The following CABIN1 variants were observed in gnomAD, a reference collection of about 807,000 sequenced individuals.
CABIN1 encodes calcineurin binding protein 1.
Under a neutral mutation model 227.7 loss-of-function variants are expected in CABIN1, and 133 were observed. That is an observed-to-expected ratio of 0.58 (90% CI 0.51 to 0.67). CABIN1 has a LOEUF of 0.67. Ranked by LOEUF, CABIN1 falls within the 30% of genes least tolerant of loss-of-function variation. The pLI, the probability that CABIN1 is intolerant of heterozygous loss-of-function variation, is 0.00. For synonymous variants in CABIN1, 1,086 were observed against 1,155.1 expected (o/e 0.94, Z 1.21); for missense variants, 2,408 against 2,852.5 (o/e 0.84, Z 3.55).
At chr22:24,113,471 G>A (rs1012090174) in intron 26 of CABIN1, 95 bp from the exon 27 acceptor site, 2 of 1,183,618 alleles carry the variant, frequency 1.7e-6, no homozygotes, top group Non-Finnish European at 2.5e-6. Flanking sequence ...GCAGTCCCCA[G>A]GCCACCGGCA....
intron 27 of CABIN1, among the ~76,000 whole-genome samples, chr22:24,118,856 A>G (rs1477719894): frequency 6.6e-6 from 1 of 152,196 alleles, no homozygotes; most frequent in Non-Finnish European, 1.5e-5. Context: ...CTCATGTCAC[A>G]TGAGGGCCCA....
At position 24,087,461 on chromosome 22, in the gene CABIN1, C is replaced by G; in HGVS notation, c.3273C>G (p.Ser1091=). The change falls in exon 23 of 37, where the codon TCC becomes TCG. Residue 1091 remains serine (S), a synonymous_variant. Transcript: ENST00000263119. ...DICICPNRFD[S]WAGMALARAS... ...TTTGTTACCACCACAGGTTTGATTCCTGGGCAGGCATGGCTCTGGCCCGGG... is the reference window on the plus strand; with the variant it reads ...TTTGTTACCACCACAGGTTTGATTCGTGGGCAGGCATGGCTCTGGCCCGGG... 1 of 1,613,978 alleles carries G rather than the reference C, an allele frequency of 6.2e-7. No homozygotes were observed. Among genetic ancestry groups the G allele is most frequent in the Non-Finnish European group, 8.5e-7 (1 of 1,180,032 alleles).
chr22:24,150,043 C>A (rs2045390954), intron 29 of CABIN1, among the ~76,000 whole-genome samples: 1 of 152,176 alleles, frequency 6.6e-6, no homozygotes, highest in Non-Finnish European at 1.5e-5. Flanking sequence ...TTGTGGAGGC[C>A]TTTGACATGG....
chr22:24,136,548 T>TA (rs1555977554), intron 29 of CABIN1, among the ~76,000 whole-genome samples: 2 of 142,470 alleles, frequency 1.4e-5, no homozygotes, highest in Non-Finnish European at 3.0e-5. Context: ...TTTTTTTTTT[T>TA]AGAGACAAGG....
At chr22:24,154,950 T>C (rs890008251) in intron 29 of CABIN1, among the ~76,000 whole-genome samples, 2 of 151,848 alleles carry the variant, frequency 1.3e-5, no homozygotes, top group Admixed American at 6.6e-5. Context: ...CCTGGGTGTC[T>C]GTGGAGGGAG....
rs2079951695 is a variant in CABIN1, at chr22:24,165,609, C to T, written c.4990C>T (p.Leu1664=). ...ILTVKVLEDT[L]SELAEGSERP... is the part of the protein sequence containing the mutation. The stretch of plus-strand genomic sequence containing the variant: ...CACTGTGAAGGTGCTCGAAGACACG[C>T]TGAGCGAGCTCGCAGAGGTATGCCA... The change falls in exon 31 of 37, where the codon CTG becomes TTG. Residue 1664 remains leucine (L), a synonymous_variant. Coordinates refer to ENST00000263119, the MANE Select transcript of CABIN1 (RefSeq NM_012295.4). 2 of 1,612,718 alleles carry T rather than the reference C, an allele frequency of 1.2e-6. No homozygotes were observed. Among genetic ancestry groups the T allele is most frequent in the African/African-American group, 2.7e-5 (2 of 74,940 alleles).
chr22:24,077,444 TAGGCTG>T (rs2040520637), intron 19 of CABIN1, among the ~76,000 whole-genome samples: 1 of 152,154 alleles, frequency 6.6e-6, no homozygotes, highest in African/African-American at 2.4e-5. Context: ...GCAAGACACT[TAGGCTG>T]AATATGTGAT....
intron 15 of CABIN1, among the ~76,000 whole-genome samples, chr22:24,065,116 C>T (rs1237229031): frequency 6.9e-6 from 1 of 145,732 alleles, no homozygotes; most frequent in Non-Finnish European, 1.5e-5. Context: ...CCCCTCACCT[C>T]CCAGACGGGG....
At chr22:24,123,154 C>G (rs945438767) in intron 28 of CABIN1, among the ~76,000 whole-genome samples, 9 of 152,184 alleles carry the variant, frequency 5.9e-5, no homozygotes, top group Non-Finnish European at 1.2e-4. Context: ...CACCCAGTAG[C>G]AGGGATGGAG....
rs1216839573 is a variant in CABIN1 at position 24,048,004 on chromosome 22, A to G, written c.527-1087A>G. ...TATCATAGTTCTGCTTTGTGAATCC[A>G]TGCCATCCCATTTTTTTCTGTGTGT... On this transcript the variant is annotated intron_variant, in intron 6 of 36. Transcript: ENST00000263119. Among the ~76,000 whole-genome samples the G allele has an allele frequency of 5.9e-5, 9 of 152,276 alleles. No homozygotes were observed. In the South Asian group the frequency reaches 1.9e-3, roughly 32 times the overall value.
At chr22:24,012,617 A>G (rs894047460) in intron 1 of CABIN1, among the ~76,000 whole-genome samples, 2 of 152,198 alleles carry the variant, frequency 1.3e-5, no homozygotes, top group East Asian at 1.9e-4. Context: ...TTCTGAGGCC[A>G]TGGAAACTAT....
intron 26 of CABIN1, 63 bp from the exon 27 acceptor site, chr22:24,113,503 C>T (rs2042916891): frequency 1.4e-6 from 2 of 1,471,832 alleles, no homozygotes; most frequent in Non-Finnish European, 1.9e-6. Context: ...CATAGGAAGG[C>T]CCCCTGTGTT....
At chr22:24,087,734 A>G in intron 23 of CABIN1, 21 bp downstream of exon 23, 1 of 1,612,834 alleles carries the variant, frequency 6.2e-7, no homozygotes, top group African/African-American at 1.3e-5. Context: ...GGTGCTGCAG[A>G]TGGGCTTGCC....
intron 28 of CABIN1, among the ~76,000 whole-genome samples, chr22:24,128,054 G>T (rs925586179): frequency 1.3e-5 from 2 of 151,976 alleles, no homozygotes; most frequent in African/African-American, 4.8e-5. Flanking sequence ...TCCAGATATT[G>T]CCAGATGCCT....
chr22:24,049,201 C>A lies in CABIN1; in HGVS notation c.637C>A (p.Leu213Ile). ...EEQPCLRKDS[L>I]RMFLKCDMSI... is the part of the protein sequence containing the mutation. ...GCAGCCTTGTCTCCGGAAGGACTCT[C>A]TCAGAATGTTCCTCAAATGGTAAGT... is the stretch of plus-strand genomic sequence containing the variant. The change falls in exon 7 of 37, where the codon CTC becomes ATC. Residue 213 changes from leucine to isoleucine, a missense_variant. Transcript: ENST00000263119. 6.2e-7 allele frequency: 1 copy of A among 1,613,982 alleles called. No individual in the cohort carries two copies. Among genetic ancestry groups the A allele is most frequent in the Non-Finnish European group, 8.5e-7 (1 of 1,179,992 alleles).
At chr22:24,018,115 A>G (rs1426006647) in intron 1 of CABIN1, among the ~76,000 whole-genome samples, 1 of 152,008 alleles carries the variant, frequency 6.6e-6, no homozygotes, top group Non-Finnish European at 1.5e-5. Flanking sequence ...TCGGCTTCCC[A>G]AAGTGCTGGG....
At chr22:24,028,339 G>T (rs1410775594) in intron 1 of CABIN1, among the ~76,000 whole-genome samples, 1 of 152,172 alleles carries the variant, frequency 6.6e-6, no homozygotes, top group Non-Finnish European at 1.5e-5. Context: ...AAAAAACGGG[G>T]ACTGTTAAAG....
In CABIN1 at chr22:24,134,318, G is replaced by T. The variant is rs776094414; in HGVS notation, c.4649G>T (p.Arg1550Leu). The change falls in exon 29 of 37, where the codon CGC becomes CTC. Residue 1550 changes from arginine to leucine, a missense_variant. Transcript: ENST00000263119. The part of the protein sequence containing the change: ...SKTHRNLQWA[R>L]DVLLGSSIPW... ...TTTCCCCAGAACCTCCAGTGGGCCCGCGACGTGTTGCTAGGCAGCAGTATC... is the reference window on the plus strand; with the variant it reads ...TTTCCCCAGAACCTCCAGTGGGCCCTCGACGTGTTGCTAGGCAGCAGTATC... 6.2e-7 allele frequency: 1 copy of T among 1,613,928 alleles called. No homozygotes were observed. Among genetic ancestry groups the T allele is most frequent in the South Asian group, 1.1e-5 (1 of 91,060 alleles).
At chr22:24,077,184 C>A (rs1007035394) in intron 19 of CABIN1, among the ~76,000 whole-genome samples, 3 of 152,172 alleles carry the variant, frequency 2.0e-5, no homozygotes, top group Admixed American at 2.0e-4. Flanking sequence ...CCCAGTACTC[C>A]CCATCTTCCT....
Sources: allele counts gnomAD v4.1 joint callset (sites outside exome capture counted in the v4.1 genomes callset), GRCh38; gene constraint gnomAD v4.1.1; transcripts MANE v1.5; gene names NCBI Gene and HGNC (gene_info 2026-07-23, HGNC 2026-07-21).